The following PACRG variants were observed in gnomAD, a reference collection of about 807,000 sequenced individuals.
PACRG encodes parkin coregulated.
PACRG carries 29 observed loss-of-function variants against 29.7 expected under a neutral mutation model. The observed-to-expected ratio is 0.98, with a 90% CI of 0.73 to 1.33. The LOEUF (loss-of-function observed/expected upper bound fraction) is 1.33, where lower values mean the gene tolerates loss of function less well. PACRG is among the 40% of genes most tolerant of loss of function. The probability of loss-of-function intolerance (pLI) is 0.00; values close to 1 mark genes in which losing one functional copy is unlikely to be tolerated. For synonymous variants in PACRG, 116 were observed against 118.7 expected, an observed-to-expected ratio of 0.98 and a Z score of 0.15; for missense variants, 279 against 316.2, an observed-to-expected ratio of 0.88 and a Z score of 0.89.
chr6:163,125,407 A>G (rs1263210446), intron 4 of PACRG, among the ~76,000 whole-genome samples: 1 of 152,258 alleles, frequency 6.6e-6, no homozygotes, highest in East Asian at 1.9e-4. Context: ...GTCTGACTAT[A>G]TAATATAAAC....
intron 2 of PACRG, among the ~76,000 whole-genome samples, chr6:162,989,812 T>G (rs1396203264): frequency 2.0e-5 from 3 of 151,550 alleles, no homozygotes; most frequent in African/African-American, 7.3e-5. Context: ...TATGTATACA[T>G]GTGCCATGCT....
At chr6:162,778,278 G>A (rs975856546) in intron 1 of PACRG, among the ~76,000 whole-genome samples, 2 of 152,150 alleles carry the variant, frequency 1.3e-5, no homozygotes, top group Non-Finnish European at 1.5e-5. Context: ...TTATGTGATG[G>A]GAAGGGGGCT....
chr6:163,095,266 A>G (rs1814466752), intron 4 of PACRG: 1 of 985,138 alleles, frequency 1.0e-6, no homozygotes, highest in Non-Finnish European at 1.2e-6. Flanking sequence ...ATCCACTTAT[A>G]AAAAGCATCA....
chr6:162,996,734 A>G (rs978599217), intron 2 of PACRG, among the ~76,000 whole-genome samples: 5 of 152,232 alleles, frequency 3.3e-5, no homozygotes, highest in Admixed American at 6.5e-5. Flanking sequence ...ATTTCAAAGT[A>G]TTAACAGTAA....
intron 2 of PACRG, among the ~76,000 whole-genome samples, chr6:162,852,149 C>T (rs975405313): frequency 6.6e-6 from 1 of 152,178 alleles, no homozygotes; most frequent in Admixed American, 6.5e-5. Flanking sequence ...AAATCTGAAC[C>T]ATGATGACTC....
At chr6:162,786,638 G>C (rs560612967) in intron 1 of PACRG, among the ~76,000 whole-genome samples, 43 of 152,152 alleles carry the variant, frequency 2.8e-4, no homozygotes, top group African/African-American at 1.0e-3. Flanking sequence ...GGTCTGCTTT[G>C]GACTTCAATC....
intron 4 of PACRG, among the ~76,000 whole-genome samples, chr6:163,136,860 G>A (rs1015526151): frequency 6.6e-6 from 1 of 152,162 alleles, no homozygotes; most frequent in Admixed American, 6.5e-5. Context: ...GAATAGATTG[G>A]AAATGTTCCT....
intron 1 of PACRG, among the ~76,000 whole-genome samples, chr6:162,741,383 G>T (rs778486042): frequency 2.0e-5 from 3 of 152,182 alleles, no homozygotes; most frequent in African/African-American, 7.2e-5. Context: ...TCTGGAGACT[G>T]GGAAGTTCAA....
At chr6:162,962,229 A>G (rs1466523404) in intron 2 of PACRG, among the ~76,000 whole-genome samples, 3 of 152,146 alleles carry the variant, frequency 2.0e-5, no homozygotes, top group African/African-American at 7.2e-5. Context: ...CTCTATGCCT[A>G]ATGCCCTTTA....
intron 1 of PACRG, among the ~76,000 whole-genome samples, chr6:162,784,763 T>C (rs1293010620): frequency 6.6e-6 from 1 of 152,182 alleles, no homozygotes; most frequent in East Asian, 1.9e-4. Flanking sequence ...CAGTGCTCAC[T>C]GAGACTGTGG....
intron 1 of PACRG, among the ~76,000 whole-genome samples, chr6:162,799,207 T>C (rs1290462871): frequency 2.0e-5 from 3 of 152,068 alleles, no homozygotes; most frequent in African/African-American, 7.2e-5. Flanking sequence ...GGGAAAAAAA[T>C]GCATATTTAC....
chr6:162,827,003 T>C (rs1315317513), intron 2 of PACRG, among the ~76,000 whole-genome samples: 1 of 152,210 alleles, frequency 6.6e-6, no homozygotes, highest in African/African-American at 2.4e-5. Flanking sequence ...ATTTAGTGTT[T>C]AGAAATCATC....
Position 163,021,317 on chromosome 6 carries a change from G to A in PACRG, c.292-40833G>A, listed in dbSNP as rs570801794. 3.9e-5 allele frequency among the ~76,000 whole-genome samples: 6 copies of A among 152,290 alleles called. No homozygotes were observed. The East Asian group carries it at 1.2e-3, about 29-fold the overall frequency. On this transcript the variant is annotated intron_variant, in intron 2 of 4. Coordinates refer to ENST00000366888, the MANE Select transcript of PACRG (RefSeq NM_001080379.2). ...CATCTGGGTTGATCGACAGCACTGT[G>A]CACACAGTACCCAAGATAGAAGCCA...
chr6:163,085,064 A>C (rs2128295784), intron 3 of PACRG, among the ~76,000 whole-genome samples: 1 of 152,112 alleles, frequency 6.6e-6, no homozygotes, highest in South Asian at 2.1e-4. Context: ...TTCTGCAATT[A>C]CCACATTCAG....
chr6:162,782,280 G>A (rs570020638), intron 1 of PACRG, among the ~76,000 whole-genome samples: 65 of 151,866 alleles, frequency 4.3e-4, no homozygotes, highest in Non-Finnish European at 8.1e-4. Context: ...CACAATGATA[G>A]AGATTTCAAC....
At chr6:163,300,037 T>C (rs1585411499) in intron 4 of PACRG, among the ~76,000 whole-genome samples, 1 of 152,196 alleles carries the variant, frequency 6.6e-6, no homozygotes, top group African/African-American at 2.4e-5. Flanking sequence ...TGGAATGACC[T>C]ATCCGGAGGC....
intron 3 of PACRG, among the ~76,000 whole-genome samples, chr6:163,066,154 A>T (rs1029582729): frequency 2.0e-5 from 3 of 152,376 alleles, no homozygotes; most frequent in African/African-American, 4.8e-5. Flanking sequence ...ACTTTAAATT[A>T]TAACATAAAG....
chr6:163,014,289 C>A (rs1352018871), intron 2 of PACRG, among the ~76,000 whole-genome samples: 1 of 152,152 alleles, frequency 6.6e-6, no homozygotes, highest in Non-Finnish European at 1.5e-5. Flanking sequence ...CATGTCTTTG[C>A]TATTGTGAAA....
chr6:163,203,882 A>G (rs1369584968), intron 4 of PACRG, among the ~76,000 whole-genome samples: 1 of 152,210 alleles, frequency 6.6e-6, no homozygotes, highest in African/African-American at 2.4e-5. Flanking sequence ...ATTTTCCACA[A>G]TGTTCCACAA....
Sources: allele counts gnomAD v4.1 joint callset (sites outside exome capture counted in the v4.1 genomes callset), GRCh38; gene constraint gnomAD v4.1.1; transcripts MANE v1.5; gene names NCBI Gene and HGNC (gene_info 2026-07-23, HGNC 2026-07-21).